The following VEPH1 variants were observed in gnomAD, a reference collection of about 807,000 sequenced individuals.
VEPH1 encodes ventricular zone-expressed PH domain-containing protein homolog 1.
VEPH1 carries 80 observed loss-of-function variants against 85.2 expected under a neutral mutation model. That is an observed-to-expected ratio of 0.94 (90% CI 0.78 to 1.13). VEPH1 has a LOEUF of 1.13. VEPH1 is among the 50% of genes most tolerant of loss of function. VEPH1 has a pLI of 0.00. For missense variants in VEPH1, 955 were observed against 980.5 expected (o/e 0.97, Z 0.35); for synonymous variants, 297 against 348.0 (o/e 0.85, Z 1.63).
intron 11 of VEPH1, among the ~76,000 whole-genome samples, chr3:157,307,496 T>C (rs1398010227): frequency 6.6e-6 from 1 of 152,006 alleles, no homozygotes. Context: ...CCTTACATTA[T>C]TTAAAACATA....
intron 4 of VEPH1, among the ~76,000 whole-genome samples, chr3:157,430,032 G>A (rs1439643354): frequency 2.0e-5 from 3 of 152,174 alleles, no homozygotes; most frequent in African/African-American, 7.2e-5. Context: ...AATTCCATTA[G>A]TCAATAATAC....
At chr3:157,428,115 G>A (rs1021336093) in intron 5 of VEPH1, among the ~76,000 whole-genome samples, 4 of 152,146 alleles carry the variant, frequency 2.6e-5, no homozygotes, top group Non-Finnish European at 5.9e-5. Context: ...CATCTAGCTC[G>A]CAGATGACAG....
intron 5 of VEPH1, among the ~76,000 whole-genome samples, chr3:157,417,729 A>G (rs1732030641): frequency 6.6e-6 from 1 of 152,158 alleles, no homozygotes; most frequent in Admixed American, 6.6e-5. Context: ...TCTTCTTTCC[A>G]GCCCACCATA....
intron 3 of VEPH1, 81 bp downstream of exon 3, chr3:157,470,233 G>T: frequency 7.8e-7 from 1 of 1,282,880 alleles, no homozygotes; most frequent in Non-Finnish European, 1.1e-6. Flanking sequence ...CAGAAGCATT[G>T]GCTCTTGGTT....
intron 13 of VEPH1, among the ~76,000 whole-genome samples, chr3:157,262,554 G>C (rs1713053880): frequency 6.6e-6 from 1 of 151,676 alleles, no homozygotes; most frequent in Non-Finnish European, 1.5e-5. Context: ...AAAAAAAAGA[G>C]AAACAATGTG....
At chr3:157,354,000 G>A (rs12634054) in intron 9 of VEPH1, among the ~76,000 whole-genome samples, 33,497 of 151,960 alleles carry the variant, frequency 0.22, 4,534 homozygotes, top group Admixed American at 0.42. Context: ...AATAACGGAC[G>A]CAGGTCATTA....
rs117138548 is a variant in VEPH1, at chr3:157,393,309, A to C, written c.907-11933T>G. 2.6e-5 allele frequency among the ~76,000 whole-genome samples: 4 copies of C among 152,370 alleles called. No homozygotes were observed. In the East Asian group the frequency reaches 7.7e-4, roughly 29 times the overall value. On this transcript the variant is annotated intron_variant, in intron 6 of 13. Coordinates refer to ENST00000362010, the MANE Select transcript of VEPH1 (RefSeq NM_001167912.2). ...GGAGATAATAAATATTTTTCTTCTGAATCAGCTTTAGTTGCAAATGCTATT... is the reference window on the plus strand; with the variant it reads ...GGAGATAATAAATATTTTTCTTCTGCATCAGCTTTAGTTGCAAATGCTATT...
intron 4 of VEPH1, among the ~76,000 whole-genome samples, chr3:157,431,377 T>C (rs1256893038): frequency 6.6e-6 from 1 of 152,150 alleles, no homozygotes; most frequent in Non-Finnish European, 1.5e-5. Flanking sequence ...TGCCTGAATT[T>C]CTTGGTTTGT....
chr3:157,274,338 A>G (rs1473511806), intron 12 of VEPH1, among the ~76,000 whole-genome samples: 1 of 152,224 alleles, frequency 6.6e-6, no homozygotes, highest in Admixed American at 6.5e-5. Flanking sequence ...TAGAAATACC[A>G]TGTCCTAATG....
chr3:157,341,902 A>T (rs1723610364), intron 9 of VEPH1, among the ~76,000 whole-genome samples: 1 of 152,160 alleles, frequency 6.6e-6, no homozygotes, highest in Admixed American at 6.6e-5. Flanking sequence ...TTTTCAACCC[A>T]GAATTTCATA....
intron 4 of VEPH1, chr3:157,442,885 C>A (rs1353447790): frequency 1.2e-6 from 2 of 1,614,096 alleles, no homozygotes; most frequent in Admixed American, 1.7e-5. Context: ...ATAAGAGAGA[C>A]CGGAGGAGCA....
chr3:157,362,031 AT>A (rs978140497), intron 9 of VEPH1, among the ~76,000 whole-genome samples: 114 of 148,028 alleles, frequency 7.7e-4, no homozygotes, highest in African/African-American at 2.3e-3. Flanking sequence ...TAATTTTTTT[AT>A]TTTTTTTTTG....
chr3:157,339,812 C>A (rs1317005099), intron 9 of VEPH1, among the ~76,000 whole-genome samples: 1 of 152,122 alleles, frequency 6.6e-6, no homozygotes, highest in Non-Finnish European at 1.5e-5. Flanking sequence ...GTGCCTAAAC[C>A]CCTTCACTGT....
intron 3 of VEPH1, among the ~76,000 whole-genome samples, chr3:157,468,392 G>T (rs1275937440): frequency 6.6e-6 from 1 of 152,118 alleles, no homozygotes; most frequent in African/African-American, 2.4e-5. Context: ...GGCCAATATG[G>T]TGAAACCCCT....
chr3:157,281,822 C>T (rs1438938461), intron 12 of VEPH1, among the ~76,000 whole-genome samples: 2 of 152,200 alleles, frequency 1.3e-5, no homozygotes, highest in East Asian at 1.9e-4. Context: ...AGGCGTGAGC[C>T]ACTACGCCCG....
chr3:157,353,633 CT>C (rs113388777), intron 9 of VEPH1, among the ~76,000 whole-genome samples: 42,669 of 151,766 alleles, frequency 0.28, 6,457 homozygotes, highest in African/African-American at 0.39. Flanking sequence ...AGTTTCCCCC[CT>C]CCCTCCAAAT....
chr3:157,267,724 C>T lies in VEPH1; in HGVS notation c.2129-2062G>A, dbSNP rs568178907. On this transcript the variant is annotated intron_variant, in intron 12 of 13. Transcript: ENST00000362010. ...TGGAGGTTGCAGTGAGCTGAGATTA[C>T]GCCACTGCACTCCAGGCTGGGCAAC... 8.5e-5 allele frequency among the ~76,000 whole-genome samples: 13 copies of T among 152,250 alleles called. No homozygotes were observed. In the East Asian group the frequency reaches 1.7e-3, roughly 20 times the overall value.
chr3:157,376,017 G>A (rs1253536442), intron 7 of VEPH1, among the ~76,000 whole-genome samples: 1 of 152,160 alleles, frequency 6.6e-6, no homozygotes, highest in Non-Finnish European at 1.5e-5. Flanking sequence ...TGGATCTGAG[G>A]GAACTGTAAC....
rs189380653 is a variant in VEPH1 at position 157,462,155 on chromosome 3, G to A, written c.355-1800C>T. ...GAAGATGCAATCAAACAGAAAAGTA[G>A]ACAGAGGACTTAAACAGACACGTTA... On this transcript the variant is annotated intron_variant, in intron 3 of 13. Coordinates refer to ENST00000362010, the MANE Select transcript of VEPH1 (RefSeq NM_001167912.2). 8.6e-5 allele frequency among the ~76,000 whole-genome samples: 13 copies of A among 150,382 alleles called. No homozygotes were observed. The East Asian group carries it at 2.5e-3, about 29-fold the overall frequency.
Sources: allele counts gnomAD v4.1 joint callset (sites outside exome capture counted in the v4.1 genomes callset), GRCh38; gene constraint gnomAD v4.1.1; transcripts MANE v1.5; gene names NCBI Gene and HGNC (gene_info 2026-07-23, HGNC 2026-07-21).